Variants in PLCZ1 observed in about 807,000 individuals in gnomAD.
PLCZ1 encodes the protein phospholipase C zeta 1.
Under a neutral mutation model 76.8 loss-of-function variants are expected in PLCZ1, and 64 were observed. The observed-to-expected ratio is 0.83, with a 90% confidence interval of 0.68 to 1.03. PLCZ1 has a LOEUF of 1.03. PLCZ1 is among the 50% of genes least tolerant of loss of function. The probability of loss-of-function intolerance (pLI) is 0.00; values close to 1 mark genes in which losing one functional copy is unlikely to be tolerated. For synonymous variants in PLCZ1, 248 were observed against 230.8 expected (o/e 1.07, Z -0.68); for missense variants, 751 against 713.7 (o/e 1.05, Z -0.60).
In PLCZ1 at chr12:18,694,927, T is replaced by C; in HGVS notation, c.1444A>G (p.Ile482Val). ...NPSNIKEGMP[I>V]TLTIRLISGI... ...AATCTTACCCTTATTGTAAGTGTAATTGGCATACCCTCTTTTATGTTACTT... is the reference window on the plus strand; with the variant it reads ...AATCTTACCCTTATTGTAAGTGTAACTGGCATACCCTCTTTTATGTTACTT... The change falls in exon 12 of 15, where the codon ATT becomes GTT. Residue 482 changes from isoleucine (I) to valine (V), a missense_variant. Coordinates refer to ENST00000266505, the MANE Select transcript of PLCZ1 (RefSeq NM_033123.4). The C allele has an allele frequency of 6.3e-7, 1 of 1,598,710 alleles. No individual in the cohort carries two copies.
intron 11 of PLCZ1, 142 bp from the exon 12 acceptor site, chr12:18,695,221 T>C (rs1416323184): frequency 7.0e-6 from 6 of 852,998 alleles, no homozygotes; most frequent in Non-Finnish European, 1.1e-5. Context: ...TAATTCATGA[T>C]TTTTAAAACT....
chr12:18,659,927 C>G, the PLCZ1 span, among the ~76,000 whole-genome samples: 1 of 152,034 alleles, frequency 6.6e-6, no homozygotes, highest in Admixed American at 6.6e-5. Flanking sequence ...TAAAAGAACT[C>G]TAGGCTAACT....
chr12:18,650,344 T>C, the PLCZ1 span, among the ~76,000 whole-genome samples: 1 of 133,454 alleles, frequency 7.5e-6, no homozygotes, highest in Non-Finnish European at 1.6e-5. Flanking sequence ...TATATATATA[T>C]ATATGTGTGT....
At chr12:18,721,513 T>G (rs1487062) in intron 4 of PLCZ1, among the ~76,000 whole-genome samples, 145,618 of 151,992 alleles carry the variant, frequency 0.96, 69,850 homozygotes, top group East Asian at 1. Flanking sequence ...TGTCACTGCC[T>G]CCATCCCAAC....
In PLCZ1 at chr12:18,705,247, TGCCATTACTTCTTGTTGG is replaced by T; in HGVS notation, c.765_782del (p.Gln256_Ala261del). 1.9e-6 allele frequency: 3 copies of T among 1,614,082 alleles called. No individual in the cohort carries two copies. The highest frequency in any genetic ancestry group is 2.5e-6 in the Non-Finnish European group (3 of 1,179,988). On this transcript the variant is annotated inframe_deletion, in exon 7 of 15. Coordinates refer to ENST00000266505, the MANE Select transcript of PLCZ1 (RefSeq NM_033123.4). ...CTCCAAAAGTAGCCTGCAAATTGTC[TGCCATTACTTCTTGTTGG>T]GCAGTGGAGCAGTGATTTTCTAAAG...
intron 5 of PLCZ1, chr12:18,714,586 G>A (rs1957727030): frequency 6.6e-6 from 1 of 152,074 alleles, no homozygotes; most frequent in African/African-American, 2.4e-5. Flanking sequence ...ATAGGAAAGA[G>A]GTTAAAAAAG....
At chr12:18,710,462 C>A (rs1957163249) in intron 6 of PLCZ1, among the ~76,000 whole-genome samples, 1 of 151,840 alleles carries the variant, frequency 6.6e-6, no homozygotes, top group Non-Finnish European at 1.5e-5. Context: ...AAAAACTGAC[C>A]ACTTATGGCC....
At chr12:18,725,555 C>A (rs903404863) in intron 3 of PLCZ1, among the ~76,000 whole-genome samples, 1 of 152,104 alleles carries the variant, frequency 6.6e-6, no homozygotes, top group African/African-American at 2.4e-5. Flanking sequence ...AATTGCAAAT[C>A]TGACCATCTC....
At chr12:18,726,643 A>G (rs1311392847) in intron 3 of PLCZ1, among the ~76,000 whole-genome samples, 1 of 150,828 alleles carries the variant, frequency 6.6e-6, no homozygotes, top group African/African-American at 2.4e-5. Context: ...TATTGTCACC[A>G]TTTTCCATTT....
At chr12:18,664,687 G>T in the PLCZ1 span, among the ~76,000 whole-genome samples, 1 of 151,836 alleles carries the variant, frequency 6.6e-6, no homozygotes, top group South Asian at 2.1e-4. Flanking sequence ...AAATCATGCT[G>T]CTATAAAGAC....
chr12:18,672,436 C>G, the PLCZ1 span, among the ~76,000 whole-genome samples: 2 of 151,818 alleles, frequency 1.3e-5, no homozygotes, highest in Non-Finnish European at 2.9e-5. Context: ...AAGATAGAAT[C>G]TGGAATTAAA....
chr12:18,647,994 A>G, the PLCZ1 span: 1 of 1,598,950 alleles, frequency 6.3e-7, no homozygotes, highest in African/African-American at 1.3e-5. Flanking sequence ...CTCGATAAAG[A>G]AAAATGGTAT....
chr12:18,735,145 T>C (rs538256770), intron 3 of PLCZ1, among the ~76,000 whole-genome samples: 12 of 152,322 alleles, frequency 7.9e-5, no homozygotes, highest in Admixed American at 1.3e-4. Context: ...TGCTATAAAT[T>C]TGATTTGCTA....
chr12:18,728,438 A>G (rs1023873085), intron 3 of PLCZ1, among the ~76,000 whole-genome samples: 3 of 152,148 alleles, frequency 2.0e-5, no homozygotes, highest in African/African-American at 7.2e-5. Context: ...AAAACTTGGA[A>G]CTTGTTCCTA....
chr12:18,734,199 A>AT (rs1959174987), intron 3 of PLCZ1, among the ~76,000 whole-genome samples: 1 of 152,116 alleles, frequency 6.6e-6, no homozygotes, highest in Admixed American at 6.5e-5. Context: ...AGCATTATAT[A>AT]TTTTTTAATG....
intron 13 of PLCZ1, among the ~76,000 whole-genome samples, chr12:18,684,978 C>G (rs917505736): frequency 6.6e-6 from 1 of 152,008 alleles, no homozygotes; most frequent in African/African-American, 2.4e-5. Context: ...CCTTCACCTT[C>G]CACCATGATT....
intron 5 of PLCZ1, among the ~76,000 whole-genome samples, chr12:18,716,775 T>A (rs1484105998): frequency 1.3e-5 from 2 of 152,228 alleles, no homozygotes; most frequent in East Asian, 3.8e-4. Flanking sequence ...ATACTGTAAT[T>A]TTTGTTGTAA....
rs571092961 is a variant in PLCZ1 at position 18,699,113 on chromosome 12, G to A, written c.1174+681C>T. Among the ~76,000 whole-genome samples the A allele has an allele frequency of 1.2e-4, 18 of 152,186 alleles. 1 individual carries two copies. In the South Asian group the frequency reaches 2.9e-3, roughly 25 times the overall value. On this transcript the variant is annotated intron_variant, in intron 10 of 14. Transcript: ENST00000266505. ...AACCACCTCAGTTTTAGAATTAGAG[G>A]CAGTGAAAGGAAGATGCAGAGACAG... is the stretch of plus-strand genomic sequence containing the variant.
chr12:18,681,128 G>A (rs1952367142), downstream of PLCZ1, among the ~76,000 whole-genome samples: 1 of 151,944 alleles, frequency 6.6e-6, no homozygotes, highest in Non-Finnish European at 1.5e-5. Context: ...ACTGTTTATT[G>A]TTCAACAAGG....
Sources: gnomAD v4.1 joint callset for allele counts (sites outside exome capture counted in the v4.1 genomes callset) on GRCh38, gnomAD v4.1.1 for gene constraint, MANE v1.5 for transcripts, NCBI Gene and HGNC (gene_info 2026-07-23, HGNC 2026-07-21) for gene names.